The following IL1RAPL1 variants were observed in gnomAD, a reference collection of about 807,000 sequenced individuals.
IL1RAPL1 encodes interleukin 1 receptor accessory protein like 1, also known as interleukin-1 receptor accessory protein-like 1.
IL1RAPL1 carries 3 observed loss-of-function variants against 48.4 expected under a neutral mutation model. That is an observed-to-expected ratio of 0.06 (90% CI 0.03 to 0.16). The LOEUF is 0.16. Ranked by LOEUF, IL1RAPL1 falls within the 10% of genes least tolerant of loss-of-function variation. The pLI is 1.00. For synonymous variants in IL1RAPL1, 185 were observed against 187.7 expected (o/e 0.99, Z 0.12); for missense variants, 349 against 530.6 (o/e 0.66, Z 3.36).
chrX:29,775,192 T>C (rs781506720), intron 6 of IL1RAPL1, among the ~76,000 whole-genome samples: 2 of 111,800 alleles, frequency 1.8e-5, no homozygotes, highest in Non-Finnish European at 3.8e-5. Context: ...TTCCTAGTTG[T>C]TACTTTTGCT....
chrX:29,388,106 C>CAAAAAAAAAAA (rs71862742), intron 3 of IL1RAPL1, among the ~76,000 whole-genome samples: 2 of 51,725 alleles, frequency 3.9e-5, no homozygotes, highest in Non-Finnish European at 6.7e-5. Flanking sequence ...AAGGTTAAGC[C>CAAAAAAAAAAA]AAAAAAAAAA....
chrX:29,230,528 A>AAAAAAAAAAAAAAAAAAAC (rs748535251), intron 2 of IL1RAPL1, among the ~76,000 whole-genome samples: 63 of 99,099 alleles, frequency 6.4e-4, no homozygotes, highest in Non-Finnish European at 1.1e-3. Flanking sequence ...AAAAAAAAAA[A>AAAAAAAAAAAAAAAAAAAC]AAAAAAACCT....
chrX:29,068,517 G>A (rs1272421719), intron 2 of IL1RAPL1, among the ~76,000 whole-genome samples: 1 of 112,575 alleles, frequency 8.9e-6, no homozygotes, highest in Non-Finnish European at 1.9e-5. Flanking sequence ...CTTCAAAGAG[G>A]ACACGAAGGT....
At chrX:29,691,747 T>C (rs12013283) in intron 6 of IL1RAPL1, among the ~76,000 whole-genome samples, 10,120 of 57,037 alleles carry the variant, frequency 0.18, 1,438 homozygotes, top group African/African-American at 0.47. Context: ...CGAGACTCCG[T>C]CTCAAAAAAA....
chrX:28,833,610 T>C (rs1227245835), intron 2 of IL1RAPL1, among the ~76,000 whole-genome samples: 2 of 111,841 alleles, frequency 1.8e-5, no homozygotes, highest in Admixed American at 9.5e-5. Context: ...CAATACCAAT[T>C]CAATATAATT....
chrX:28,676,341 A>G (rs1340093025), intron 1 of IL1RAPL1, among the ~76,000 whole-genome samples: 1 of 112,254 alleles, frequency 8.9e-6, no homozygotes, highest in East Asian at 2.8e-4. Context: ...TGTCAGCTTC[A>G]TCACAGATTA....
chrX:29,169,983 A>G (rs1929877269), intron 2 of IL1RAPL1, among the ~76,000 whole-genome samples: 1 of 111,086 alleles, frequency 9.0e-6, no homozygotes, highest in Non-Finnish European at 1.9e-5. Context: ...CACATTTCCC[A>G]TGGAACCTGA....
At chrX:28,956,698 A>G (rs1456573872) in intron 2 of IL1RAPL1, among the ~76,000 whole-genome samples, 1 of 108,484 alleles carries the variant, frequency 9.2e-6, no homozygotes, top group Admixed American at 1.0e-4. Context: ...ATCAATGTTC[A>G]TCAAGGATAT....
chrX:29,436,832 C>T (rs1466703061), intron 5 of IL1RAPL1, among the ~76,000 whole-genome samples: 1 of 110,638 alleles, frequency 9.0e-6, no homozygotes, highest in African/African-American at 3.3e-5. Flanking sequence ...ATTACTTTAT[C>T]ATACTGTGTT....
chrX:29,747,507 T>A (rs1169196680), intron 6 of IL1RAPL1, among the ~76,000 whole-genome samples: 1 of 112,233 alleles, frequency 8.9e-6, no homozygotes, highest in Non-Finnish European at 1.9e-5. Context: ...AACAGTTATC[T>A]CCCTTGTGCA....
At chrX:29,551,016 C>T (rs191483880) in intron 5 of IL1RAPL1, among the ~76,000 whole-genome samples, 15 of 112,124 alleles carry the variant, frequency 1.3e-4, no homozygotes, top group Non-Finnish European at 2.4e-4. Flanking sequence ...TTTTCTGTCT[C>T]TATGAATTTG....
intron 5 of IL1RAPL1, among the ~76,000 whole-genome samples, chrX:29,534,991 G>T (rs756068281): frequency 9.4e-6 from 1 of 106,772 alleles, no homozygotes; most frequent in Admixed American, 1.0e-4. Context: ...GAAATTAACC[G>T]AGTGTGGTGG....
At chrX:28,922,676 G>T (rs1462838991) in intron 2 of IL1RAPL1, among the ~76,000 whole-genome samples, 1 of 111,780 alleles carries the variant, frequency 8.9e-6, no homozygotes, top group Non-Finnish European at 1.9e-5. Flanking sequence ...GCACTGTCAA[G>T]CGAATCAGTT....
chrX:29,081,049 CT>C (rs1427642103), intron 2 of IL1RAPL1, among the ~76,000 whole-genome samples: 1 of 56,376 alleles, frequency 1.8e-5, no homozygotes, highest in African/African-American at 6.4e-5. Context: ...CTTTTCTTTT[CT>C]TTTCTTTTCT....
At chrX:28,856,293 G>C (rs1262533985) in intron 2 of IL1RAPL1, among the ~76,000 whole-genome samples, 1 of 111,369 alleles carries the variant, frequency 9.0e-6, no homozygotes, top group Admixed American at 9.6e-5. Context: ...GTTTACTCAA[G>C]GATAAGTCAT....
At chrX:29,232,806 TA>T (rs1369953190) in intron 2 of IL1RAPL1, among the ~76,000 whole-genome samples, 3 of 111,169 alleles carry the variant, frequency 2.7e-5, no homozygotes, top group Non-Finnish European at 5.7e-5. Context: ...TTTACTTTTT[TA>T]TTTTTTTTGA....
intron 5 of IL1RAPL1, among the ~76,000 whole-genome samples, chrX:29,418,318 G>A (rs1368753175): frequency 9.4e-6 from 1 of 106,190 alleles, no homozygotes; most frequent in African/African-American, 3.4e-5. Flanking sequence ...AGTAGAGATG[G>A]GGTTTCACCA....
intron 2 of IL1RAPL1, among the ~76,000 whole-genome samples, chrX:28,816,540 C>T (rs954001546): frequency 3.6e-5 from 4 of 110,620 alleles, no homozygotes; most frequent in Non-Finnish European, 5.7e-5. Context: ...AGATAATGGC[C>T]GCCAGCTGCC....
At chrX:28,681,131 A>G (rs1935055517) in intron 1 of IL1RAPL1, among the ~76,000 whole-genome samples, 1 of 110,560 alleles carries the variant, frequency 9.0e-6, no homozygotes, top group Non-Finnish European at 1.9e-5. Context: ...TTTATTCTCA[A>G]TTCCTTCTTG....
Sources: gnomAD v4.1 joint callset for allele counts (sites outside exome capture counted in the v4.1 genomes callset) on GRCh38, gnomAD v4.1.1 for gene constraint, MANE v1.5 for transcripts, NCBI Gene and HGNC (gene_info 2026-07-23, HGNC 2026-07-21) for gene names.